The following DLG2 variants were observed in gnomAD, a reference collection of about 807,000 sequenced individuals.
DLG2 encodes the protein disks large homolog 2.
DLG2 carries 45 observed loss-of-function variants against 132.5 expected under a neutral mutation model. The observed-to-expected ratio is 0.34, with a 90% CI of 0.27 to 0.44. DLG2 has a LOEUF of 0.44. Among genes scored for constraint, DLG2 ranks in the 20% least tolerant of loss-of-function variants. DLG2 has a pLI of 1.00. For synonymous variants in DLG2, 424 were observed against 419.6 expected, an observed-to-expected ratio of 1.01 and a Z score of -0.13; for missense variants, 1,045 against 1,196.9, an observed-to-expected ratio of 0.87 and a Z score of 1.87.
At chr11:84,070,466 C>T (rs944167865) in intron 10 of DLG2, among the ~76,000 whole-genome samples, 1 of 152,180 alleles carries the variant, frequency 6.6e-6, no homozygotes, top group Admixed American at 6.5e-5. Flanking sequence ...TTGTTACCTG[C>T]ATAGAACCTA....
chr11:84,576,129 A>C (rs2099499384), intron 6 of DLG2, among the ~76,000 whole-genome samples: 1 of 152,216 alleles, frequency 6.6e-6, no homozygotes, highest in African/African-American at 2.4e-5. Context: ...TTTTCCTGCA[A>C]GCTTTCCAAT....
chr11:85,476,616 A>G (rs920459658), intron 3 of DLG2, among the ~76,000 whole-genome samples: 2 of 151,842 alleles, frequency 1.3e-5, no homozygotes, highest in African/African-American at 2.4e-5. Flanking sequence ...TCTATTTTTA[A>G]TTTTTTACAT....
chr11:84,896,579 T>C (rs2090213714), intron 6 of DLG2, among the ~76,000 whole-genome samples: 2 of 152,074 alleles, frequency 1.3e-5, no homozygotes, highest in South Asian at 2.1e-4. Flanking sequence ...TGCCAGACTG[T>C]CATTTTTGTC....
intron 3 of DLG2, among the ~76,000 whole-genome samples, chr11:85,357,378 G>C (rs1301978902): frequency 2.7e-5 from 4 of 149,832 alleles, no homozygotes; most frequent in Non-Finnish European, 5.9e-5. Flanking sequence ...ATTTTTAGTA[G>C]AGAAGGGTTT....
At chr11:85,035,408 G>A (rs1307611725) in intron 6 of DLG2, among the ~76,000 whole-genome samples, 5 of 152,206 alleles carry the variant, frequency 3.3e-5, no homozygotes, top group Non-Finnish European at 7.3e-5. Context: ...CATGGCTGAA[G>A]AGGCTTCAGG....
At chr11:85,496,461 G>A (rs951727998) in intron 3 of DLG2, among the ~76,000 whole-genome samples, 1 of 152,204 alleles carries the variant, frequency 6.6e-6, no homozygotes, top group Admixed American at 6.5e-5. Context: ...AAGACCTTCT[G>A]CCTCTCTAGA....
At chr11:84,157,887 G>C (rs118130963) in intron 9 of DLG2, among the ~76,000 whole-genome samples, 1 of 152,286 alleles carries the variant, frequency 6.6e-6, no homozygotes, top group East Asian at 1.9e-4. Context: ...TACTGTAGAG[G>C]AGGAGTCGTC....
chr11:85,551,925 A>T (rs2076686610), intron 3 of DLG2, among the ~76,000 whole-genome samples: 1 of 152,038 alleles, frequency 6.6e-6, no homozygotes, highest in African/African-American at 2.4e-5. Context: ...AACAATAAGC[A>T]GAGAAACTAA....
intron 5 of DLG2, among the ~76,000 whole-genome samples, chr11:85,142,887 C>A (rs1450491674): frequency 6.6e-6 from 1 of 151,808 alleles, no homozygotes; most frequent in Admixed American, 6.6e-5. Context: ...GACATCTGTG[C>A]ATCCCTGGAC....
At chr11:83,830,260 T>C (rs1385254875) in intron 17 of DLG2, among the ~76,000 whole-genome samples, 1 of 152,234 alleles carries the variant, frequency 6.6e-6, no homozygotes, top group Non-Finnish European at 1.5e-5. Context: ...ATAATTCTGA[T>C]TGGTTGCCTT....
chr11:84,188,915 C>T (rs1183519241), intron 8 of DLG2, among the ~76,000 whole-genome samples: 3 of 152,168 alleles, frequency 2.0e-5, no homozygotes, highest in Admixed American at 6.5e-5. Context: ...TGAAGTGTCA[C>T]TGATTTCTCT....
chr11:84,895,632 A>G (rs1171531194), intron 6 of DLG2, among the ~76,000 whole-genome samples: 1 of 152,168 alleles, frequency 6.6e-6, no homozygotes. Flanking sequence ...AAAGGCAGAT[A>G]GTTTTTTAGT....
At chr11:84,535,364 CTCT>C (rs2099352867) in intron 6 of DLG2, among the ~76,000 whole-genome samples, 1 of 152,186 alleles carries the variant, frequency 6.6e-6, no homozygotes, top group Non-Finnish European at 1.5e-5. Context: ...GCAGAGCTAG[CTCT>C]TTTAAAGAAC....
chr11:84,815,347 G>A (rs1169002297), intron 6 of DLG2, among the ~76,000 whole-genome samples: 1 of 152,044 alleles, frequency 6.6e-6, no homozygotes, highest in Non-Finnish European at 1.5e-5. Context: ...TGGAATCCTG[G>A]TTTAGTCAAA....
At chr11:85,421,063 T>C (rs1455266467) in intron 3 of DLG2, among the ~76,000 whole-genome samples, 2 of 151,998 alleles carry the variant, frequency 1.3e-5, no homozygotes, top group African/African-American at 4.8e-5. Flanking sequence ...AGCTGCCCAG[T>C]TTTGTGCTTG....
At chr11:84,533,053 G>A (rs1187985181) in intron 7 of DLG2, among the ~76,000 whole-genome samples, 1 of 146,418 alleles carries the variant, frequency 6.8e-6, no homozygotes, top group East Asian at 1.9e-4. Context: ...CCCTTCTGCG[G>A]AAGAAGGAGT....
intron 6 of DLG2, among the ~76,000 whole-genome samples, chr11:84,610,459 G>A (rs190375173): frequency 1.3e-5 from 2 of 152,126 alleles, no homozygotes; most frequent in Non-Finnish European, 2.9e-5. Flanking sequence ...GGTCATAAAA[G>A]GTTCCAGATA....
At chr11:84,824,637 T>C (rs2078106579) in intron 6 of DLG2, among the ~76,000 whole-genome samples, 3 of 151,900 alleles carry the variant, frequency 2.0e-5, no homozygotes, top group Admixed American at 2.0e-4. Context: ...TTGGTCATAT[T>C]GTTCCCATTT....
chr11:85,071,833 T>G (rs1366419259), intron 6 of DLG2, among the ~76,000 whole-genome samples: 1 of 151,838 alleles, frequency 6.6e-6, no homozygotes, highest in Non-Finnish European at 1.5e-5. Context: ...TCTTTAAGTA[T>G]CCTTACATCT....
Sources: allele counts gnomAD v4.1 joint callset (sites outside exome capture counted in the v4.1 genomes callset), GRCh38; gene constraint gnomAD v4.1.1; transcripts MANE v1.5; gene names NCBI Gene and HGNC (gene_info 2026-07-23, HGNC 2026-07-21).